The following TMEM14B variants were observed in gnomAD, a reference collection of about 807,000 sequenced individuals.
TMEM14B encodes transmembrane protein 14B.
TMEM14B carries 9 observed loss-of-function variants against 14.8 expected under a neutral mutation model. The ratio of observed to expected loss-of-function variants is 0.61; its 90% CI spans 0.37 to 1.06. The LOEUF is 1.06. TMEM14B is among the 50% of genes least tolerant of loss of function. The probability of loss-of-function intolerance (pLI) is 0.01; values close to 1 mark genes in which losing one functional copy is unlikely to be tolerated. For missense variants in TMEM14B, 128 were observed against 143.6 expected (o/e 0.89, Z 0.56); for synonymous variants, 40 against 51.3 (o/e 0.78, Z 0.94).
chr6:10,755,179 G>A lies in TMEM14B; in HGVS notation c.240G>A (p.Met80Ile), dbSNP rs1289924406. ...TSVTFVGVMG[M>I]RSYYYGKFMP... ...TTACTTTTGTTGGTGTTATGGGAAT[G>A]AGATCCTACTACTATGGAAAATTCA... The change falls in exon 5 of 6, where the codon ATG (methionine) becomes ATA (isoleucine). Residue 80 changes from methionine to isoleucine, a missense_variant. Met to Ile is a conservative substitution (Grantham distance 10). Transcript: ENST00000379542. 1.2e-6 allele frequency: 2 copies of A among 1,614,094 alleles called. No individual in the cohort carries two copies. Among genetic ancestry groups the A allele is most frequent in the South Asian group, 2.2e-5 (2 of 91,082 alleles).
chr6:10,755,248 T>C lies in TMEM14B; in HGVS notation c.293+16T>C. 6.2e-7 allele frequency: 1 copy of C among 1,614,110 alleles called. No homozygotes were observed. The highest frequency in any genetic ancestry group is 2.2e-5 in the East Asian group (1 of 44,894). ...CAGGTGCCAGGTACTTTCATTCTAT[T>C]ACTCTTCTTTACCATGTAGAGTTCA... On this transcript the variant is annotated intron_variant, in intron 5 of 5. Coordinates refer to ENST00000379542, the MANE Select transcript of TMEM14B (RefSeq NM_030969.5).
Position 10,751,218 on chromosome 6 carries a change from C to G in TMEM14B, c.186C>G (p.Asn62Lys). 1.2e-6 allele frequency: 2 copies of G among 1,613,824 alleles called. No individual in the cohort carries two copies. The highest frequency in any genetic ancestry group is 1.7e-6 in the Non-Finnish European group (2 of 1,179,976). ...ACCAGCTGTATCAGGATCCAAGGAA[C>G]GTTTGGGGTTTCCTAGGTATGTCTG... ...GAYQLYQDPR[N>K]VWGFLAATSV... Residue 62 changes from asparagine (N) to lysine (K), a missense_variant, in exon 4 of 6, where the codon AAC becomes AAG. Physicochemically the swap from Asn to Lys is moderately conservative, Grantham distance 94 (BLOSUM62 0). Transcript: ENST00000379542.
chr6:10,748,887 A>G (rs1771439878), intron 1 of TMEM14B, among the ~76,000 whole-genome samples: 1 of 152,244 alleles, frequency 6.6e-6, no homozygotes, highest in Non-Finnish European at 1.5e-5. Flanking sequence ...CGATTTAGTG[A>G]TAATGTGAGT....
chr6:10,759,051 TG>T, downstream of TMEM14B: 1 of 188,388 alleles, frequency 5.3e-6, no homozygotes, highest in Non-Finnish European at 1.1e-5. Context: ...CCTGAGTAGC[TG>T]GGATTTCAGG....
downstream of TMEM14B, among the ~76,000 whole-genome samples, chr6:10,758,630 A>AGAAATAAG (rs1444358526): frequency 5.9e-5 from 9 of 152,176 alleles, no homozygotes; most frequent in South Asian, 2.1e-4. Flanking sequence ...AAATAAGTGT[A>AGAAATAAG]TGATGGAGGT....
chr6:10,754,151 T>C (rs1011405215), intron 4 of TMEM14B, among the ~76,000 whole-genome samples: 1 of 152,028 alleles, frequency 6.6e-6, no homozygotes, highest in Admixed American at 6.6e-5. Context: ...ACCTGGGAGG[T>C]AGAGGTTGTA....
chr6:10,756,389 CAGAG>C, intron 5 of TMEM14B, 74 bp from the exon 6 acceptor site: 1 of 1,532,604 alleles, frequency 6.5e-7, no homozygotes. Context: ...GAGGAACCTG[CAGAG>C]TTTAGTTCCT....
intron 1 of TMEM14B, 21 bp from the exon 2 acceptor site, chr6:10,749,181 G>T (rs553159525): frequency 6.3e-7 from 1 of 1,576,658 alleles, no homozygotes; most frequent in African/African-American, 1.3e-5. Flanking sequence ...AACCACTGCT[G>T]ATCCGGCTTG....
chr6:10,755,657 A>G (rs184760556), intron 5 of TMEM14B: 8 of 1,110,892 alleles, frequency 7.2e-6, no homozygotes, highest in Non-Finnish European at 8.8e-6. Flanking sequence ...TGTGGTTTTT[A>G]AAAAATGTAG....
chr6:10,751,328 C>T, intron 4 of TMEM14B, 94 bp downstream of exon 4: 1 of 1,411,570 alleles, frequency 7.1e-7, no homozygotes, highest in Non-Finnish European at 9.8e-7. Flanking sequence ...CGAGTTCTTC[C>T]CACTTAATTT....
At chr6:10,756,385 C>T (rs1771801226) in intron 5 of TMEM14B, 82 bp from the exon 6 acceptor site, 2 of 1,521,956 alleles carry the variant, frequency 1.3e-6, no homozygotes, top group Admixed American at 3.6e-5. Context: ...TTGTGAGGAA[C>T]CTGCAGAGTT....
At chr6:10,749,376 G>A (rs1771461755) in intron 2 of TMEM14B, 108 bp downstream of exon 2, 4 of 1,393,946 alleles carry the variant, frequency 2.9e-6, no homozygotes, top group South Asian at 1.2e-5. Context: ...GATGGCGTGC[G>A]GGATGGGAGG....
At chr6:10,748,122 T>C (rs1467612731) in intron 1 of TMEM14B, among the ~76,000 whole-genome samples, 1 of 152,214 alleles carries the variant, frequency 6.6e-6, no homozygotes, top group Non-Finnish European at 1.5e-5. Context: ...GTTGCCTCGT[T>C]TCCTGGTGGT....
At chr6:10,756,241 T>A (rs1157418473) in intron 5 of TMEM14B, among the ~76,000 whole-genome samples, 1 of 152,164 alleles carries the variant, frequency 6.6e-6, no homozygotes, top group Non-Finnish European at 1.5e-5. Context: ...GGCAGTTGGA[T>A]TAGGATCTAG....
intron 4 of TMEM14B, among the ~76,000 whole-genome samples, chr6:10,752,281 T>C (rs1489626200): frequency 1.3e-5 from 2 of 151,908 alleles, no homozygotes; most frequent in Non-Finnish European, 2.9e-5. Flanking sequence ...TCGTCCTGTT[T>C]CCCTCCTTTC....
chr6:10,749,147 TGACTGCTGGG>T, intron 1 of TMEM14B, 45 bp from the exon 2 acceptor site: 1 of 1,251,684 alleles, frequency 8.0e-7, no homozygotes, highest in Non-Finnish European at 1.2e-6. Flanking sequence ...CACTTCTTTC[TGACTGCTGGG>T]GAGCTGTGCT....
chr6:10,755,732 A>G (rs1189342304), intron 5 of TMEM14B: 1 of 939,904 alleles, frequency 1.1e-6, no homozygotes, highest in Non-Finnish European at 1.3e-6. Context: ...TGGCGGGCAT[A>G]TCACTTGAGG....
chr6:10,749,156 G>C, intron 1 of TMEM14B, 46 bp from the exon 2 acceptor site: 1 of 1,327,534 alleles, frequency 7.5e-7, no homozygotes, highest in South Asian at 1.2e-5. Context: ...CTGACTGCTG[G>C]GGAGCTGTGC....
downstream of TMEM14B, among the ~76,000 whole-genome samples, chr6:10,758,013 G>A (rs564941691): frequency 2.0e-5 from 3 of 151,636 alleles, no homozygotes; most frequent in Admixed American, 6.6e-5. Flanking sequence ...AAAGATATTT[G>A]CTACTGATTT....
Sources: allele counts gnomAD v4.1 joint callset (sites outside exome capture counted in the v4.1 genomes callset), GRCh38; gene constraint gnomAD v4.1.1; transcripts MANE v1.5; gene names NCBI Gene and HGNC (gene_info 2026-07-23, HGNC 2026-07-21).